Variants in KIAA1328 observed in about 807,000 individuals in gnomAD.
KIAA1328 encodes protein hinderin.
In KIAA1328, 52 loss-of-function variants were observed where a neutral mutation model predicts 68.1. The ratio of observed to expected loss-of-function variants is 0.76; its 90% CI spans 0.61 to 0.96. The LOEUF is 0.96. Among genes scored for constraint, KIAA1328 ranks in the 40% least tolerant of loss-of-function variants. The probability of loss-of-function intolerance (pLI) is 0.00; values close to 1 mark genes in which losing one functional copy is unlikely to be tolerated. For missense variants in KIAA1328, 641 were observed against 677.6 expected (o/e 0.95, Z 0.60); for synonymous variants, 232 against 239.4 (o/e 0.97, Z 0.28).
chr18:36,906,958 A>G (rs2049245934), intron 5 of KIAA1328, among the ~76,000 whole-genome samples: 1 of 152,102 alleles, frequency 6.6e-6, no homozygotes, highest in South Asian at 2.1e-4. Flanking sequence ...AATGTGGTAC[A>G]TCTCTCAAGT....
rs59271370 is a variant in KIAA1328 at position 36,848,541 on chromosome 18, CTTTTTTTTTTTTTTTT to C, written c.332+4248_332+4263del. Among the ~76,000 whole-genome samples, 4 of 38,152 alleles carry C rather than the reference CTTTTTTTTTTTTTTTT, an allele frequency of 1.0e-4. No individual in the cohort carries two copies. The South Asian group carries it at 4.7e-3, about 44-fold the overall frequency. The allele number at this position is 38,152 out of a possible 152,430, so 25.0% of individuals were successfully genotyped here. ...TTTTTTCCTTTCCAATCTATAGATG[CTTTTTTTTTTTTTTTT>C]TTTTTTTTGCCCTTTTGCATTGGGT... On this transcript the variant is annotated intron_variant, in intron 4 of 9. Coordinates refer to ENST00000280020, the MANE Select transcript of KIAA1328 (RefSeq NM_020776.3).
At chr18:37,111,201 A>G (rs537632775) in intron 7 of KIAA1328, among the ~76,000 whole-genome samples, 116 of 152,354 alleles carry the variant, frequency 7.6e-4, no homozygotes, top group Middle Eastern at 3.4e-3. Context: ...GTCTGAATCC[A>G]TAGGCAGGCT....
intron 6 of KIAA1328, among the ~76,000 whole-genome samples, chr18:37,014,110 T>C (rs2054069005): frequency 6.6e-6 from 1 of 152,238 alleles, no homozygotes; most frequent in Admixed American, 6.5e-5. Context: ...ATGATGTGAA[T>C]TTTTTATGTT....
chr18:36,882,255 T>TA (rs1210934834), intron 4 of KIAA1328, among the ~76,000 whole-genome samples: 2 of 152,216 alleles, frequency 1.3e-5, no homozygotes, highest in Non-Finnish European at 2.9e-5. Context: ...TATTGTGCTT[T>TA]AAAATGAGAT....
chr18:36,844,624 C>T (rs572195057), intron 4 of KIAA1328, among the ~76,000 whole-genome samples: 14 of 151,990 alleles, frequency 9.2e-5, no homozygotes, highest in Admixed American at 5.9e-4. Context: ...TAATCAGAGG[C>T]GTAGCAGTTA....
At chr18:36,829,807 C>G (rs2046401121) in intron 1 of KIAA1328, among the ~76,000 whole-genome samples, 1 of 152,112 alleles carries the variant, frequency 6.6e-6, no homozygotes, top group Non-Finnish European at 1.5e-5. Context: ...TGTTGACTTA[C>G]TTGTGGAGTG....
Position 37,222,978 on chromosome 18 carries a change from C to T in KIAA1328, c.*751C>T, listed in dbSNP as rs1439811938. ...TCTACCAATGTTTGGGTGACCACCCCTCCAATATCCCAGAATGAATAAGAA... is the reference window on the plus strand; with the variant it reads ...TCTACCAATGTTTGGGTGACCACCCTTCCAATATCCCAGAATGAATAAGAA... On this transcript the variant is annotated 3_prime_UTR_variant, in exon 10 of 10. Transcript: ENST00000280020. 6 of 985,126 alleles carry T rather than the reference C, an allele frequency of 6.1e-6. No individual in the cohort carries two copies. The highest frequency in any genetic ancestry group is 7.2e-6 in the Non-Finnish European group (6 of 829,952). 61.0% of individuals were successfully genotyped at this position (985,126 alleles called of 1,614,324 possible). A position where few individuals can be genotyped will look rare whatever the true frequency, so the allele number is the denominator to read the frequency against.
chr18:36,837,078 G>A (rs1211212186), intron 3 of KIAA1328, among the ~76,000 whole-genome samples: 1 of 152,060 alleles, frequency 6.6e-6, no homozygotes, highest in African/African-American at 2.4e-5. Context: ...ACAAGTTTTT[G>A]TGTAGACATA....
At chr18:37,024,191 G>T (rs975677242) in intron 6 of KIAA1328, among the ~76,000 whole-genome samples, 3 of 151,816 alleles carry the variant, frequency 2.0e-5, no homozygotes, top group African/African-American at 7.3e-5. Context: ...ATGGGGTACT[G>T]CTATGTTGAT....
At chr18:37,219,371 G>A (rs143734169) in intron 9 of KIAA1328, among the ~76,000 whole-genome samples, 162 of 152,332 alleles carry the variant, frequency 1.1e-3, no homozygotes, top group African/African-American at 3.6e-3. Flanking sequence ...AGAGCTGTCA[G>A]GGATGTTTAA....
At chr18:36,978,085 G>C (rs894435072) in intron 6 of KIAA1328, among the ~76,000 whole-genome samples, 3 of 152,046 alleles carry the variant, frequency 2.0e-5, no homozygotes, top group Non-Finnish European at 2.9e-5. Flanking sequence ...GCCTGGCCAA[G>C]ATTTATTACT....
At chr18:36,866,922 C>T (rs1601053741) in intron 4 of KIAA1328, among the ~76,000 whole-genome samples, 1 of 152,172 alleles carries the variant, frequency 6.6e-6, no homozygotes, top group East Asian at 1.9e-4. Context: ...TGTGCACATC[C>T]ACTAACACTA....
intron 6 of KIAA1328, among the ~76,000 whole-genome samples, chr18:37,053,908 C>T (rs951274162): frequency 6.6e-6 from 1 of 150,698 alleles, no homozygotes; most frequent in Admixed American, 6.6e-5. Flanking sequence ...GCAAAGTATG[C>T]ATCTGACAAA....
chr18:37,018,320 G>A (rs1249406219), intron 6 of KIAA1328, among the ~76,000 whole-genome samples: 1 of 152,094 alleles, frequency 6.6e-6, no homozygotes, highest in African/African-American at 2.4e-5. Flanking sequence ...TAAGGTTTCT[G>A]CAAAGAAGCC....
intron 7 of KIAA1328, among the ~76,000 whole-genome samples, chr18:37,091,315 A>G (rs1204892051): frequency 6.6e-6 from 1 of 152,196 alleles, no homozygotes; most frequent in Non-Finnish European, 1.5e-5. Flanking sequence ...CAAAGCAACC[A>G]GTCTGGCCAG....
intron 6 of KIAA1328, among the ~76,000 whole-genome samples, chr18:36,985,744 A>G (rs2052894028): frequency 6.6e-6 from 1 of 152,168 alleles, no homozygotes; most frequent in African/African-American, 2.4e-5. Flanking sequence ...TATAAAACCT[A>G]AACTATTAAA....
intron 6 of KIAA1328, among the ~76,000 whole-genome samples, chr18:36,968,407 T>C (rs557673766): frequency 4.4e-4 from 67 of 151,926 alleles, no homozygotes; most frequent in African/African-American, 1.5e-3. Flanking sequence ...AGGCTAAAAA[T>C]AAAGGGATGG....
intron 9 of KIAA1328, among the ~76,000 whole-genome samples, chr18:37,195,570 TG>T (rs2059988522): frequency 6.6e-6 from 1 of 152,202 alleles, no homozygotes; most frequent in Admixed American, 6.5e-5. Context: ...TTCCCCAGTA[TG>T]TATTCTTGAT....
intron 5 of KIAA1328, among the ~76,000 whole-genome samples, chr18:36,925,828 C>T (rs1268152349): frequency 6.6e-6 from 1 of 151,902 alleles, no homozygotes; most frequent in East Asian, 1.9e-4. Flanking sequence ...CGTAAGCCAT[C>T]GTGCCCAGCC....
Sources: gnomAD v4.1 joint callset for allele counts (sites outside exome capture counted in the v4.1 genomes callset) on GRCh38, gnomAD v4.1.1 for gene constraint, MANE v1.5 for transcripts, NCBI Gene and HGNC (gene_info 2026-07-23, HGNC 2026-07-21) for gene names.